The following GOSR1 variants were observed in gnomAD, a reference collection of about 807,000 sequenced individuals.
GOSR1 encodes the protein golgi SNAP receptor complex member 1.
Under a neutral mutation model 35.5 loss-of-function variants are expected in GOSR1, and 21 were observed. That is an observed-to-expected ratio of 0.59 (90% confidence interval 0.42 to 0.85). The LOEUF is 0.85. GOSR1 is among the 40% of genes least tolerant of loss of function. GOSR1 has a pLI of 0.00. For missense variants in GOSR1, 285 were observed against 309.6 expected, an observed-to-expected ratio of 0.92 and a Z score of 0.60; for synonymous variants, 94 against 106.6, an observed-to-expected ratio of 0.88 and a Z score of 0.73.
intron 6 of GOSR1, among the ~76,000 whole-genome samples, chr17:30,493,368 G>T (rs1915166174): frequency 1.3e-5 from 2 of 152,178 alleles, no homozygotes; most frequent in Non-Finnish European, 2.9e-5. Flanking sequence ...AGCTCCTGAT[G>T]AATTAGATGA....
intron 3 of GOSR1, 22 bp downstream of exon 3, chr17:30,484,323 GC>G (rs780505280): frequency 1.5e-6 from 2 of 1,337,344 alleles, no homozygotes; most frequent in African/African-American, 2.9e-5. Flanking sequence ...CTGTTAAATG[GC>G]TATTTTGCAA....
chr17:30,511,751 G>T (rs184363407), intron 7 of GOSR1, among the ~76,000 whole-genome samples: 2 of 152,116 alleles, frequency 1.3e-5, no homozygotes, highest in East Asian at 3.9e-4. Context: ...GTCTGGTCCC[G>T]AACTCCTGAC....
intron 6 of GOSR1, among the ~76,000 whole-genome samples, chr17:30,498,112 C>G (rs1294103505): frequency 4.0e-5 from 6 of 148,908 alleles, no homozygotes; most frequent in Non-Finnish European, 7.4e-5. Context: ...AGTCATTAGT[C>G]TTATTATATA....
Position 30,497,988 on chromosome 17 carries a change from G to A in GOSR1, c.509+5235G>A, listed in dbSNP as rs577770240. Among the ~76,000 whole-genome samples the A allele has an allele frequency of 7.1e-4, 106 of 149,512 alleles. No individual in the cohort carries two copies. The South Asian group carries it at 0.02, about 28-fold the overall frequency. On this transcript the variant is annotated intron_variant, in intron 6 of 8. Transcript: ENST00000451249. ...CAGGAGAATTGCTTGAACCTGGCAG[G>A]CAGAAGTTGCAGTGAGCTGAGATCG...
chr17:30,519,657 T>TA (rs1256600611), intron 7 of GOSR1: 5 of 258,672 alleles, frequency 1.9e-5, no homozygotes, highest in Non-Finnish European at 2.9e-5. Flanking sequence ...GCTTTTGTAA[T>TA]ATGTGATTTG....
At chr17:30,516,600 C>A (rs570369283) in intron 7 of GOSR1, among the ~76,000 whole-genome samples, 1 of 152,286 alleles carries the variant, frequency 6.6e-6, no homozygotes, top group African/African-American at 2.4e-5. Context: ...TACAGACATC[C>A]CCAAAGATGT....
intron 5 of GOSR1, among the ~76,000 whole-genome samples, chr17:30,491,503 A>T (rs1053275462): frequency 3.3e-5 from 5 of 151,988 alleles, no homozygotes; most frequent in Admixed American, 1.3e-4. Context: ...TACTAAAAAT[A>T]AAAAAATTAG....
intron 5 of GOSR1, among the ~76,000 whole-genome samples, chr17:30,491,518 G>A (rs1915041356): frequency 6.6e-6 from 1 of 152,124 alleles, no homozygotes; most frequent in African/African-American, 2.4e-5. Context: ...AATTAGCTGG[G>A]CGTAGTTGTA....
At chr17:30,491,859 G>A (rs905366401) in intron 5 of GOSR1, among the ~76,000 whole-genome samples, 3 of 152,206 alleles carry the variant, frequency 2.0e-5, no homozygotes, top group Non-Finnish European at 4.4e-5. Context: ...CTGAGGTGAA[G>A]TGGCTATGAA....
At chr17:30,480,978 G>C in intron 1 of GOSR1, 165 bp from the exon 2 acceptor site, 2 of 495,322 alleles carry the variant, frequency 4.0e-6, no homozygotes, top group Non-Finnish European at 3.7e-6. Flanking sequence ...TCCCAAAGTG[G>C]TGGGATTACA....
At chr17:30,520,042 C>T (rs1967967960) in intron 8 of GOSR1, 21 bp downstream of exon 8, 1 of 1,497,818 alleles carries the variant, frequency 6.7e-7, no homozygotes, top group Admixed American at 1.7e-5. Flanking sequence ...TGAATGTTCG[C>T]AGTCTGTGTT....
chr17:30,500,635 A>G (rs376671944), intron 6 of GOSR1, among the ~76,000 whole-genome samples: 1 of 152,164 alleles, frequency 6.6e-6, no homozygotes, highest in Non-Finnish European at 1.5e-5. Context: ...TAGCTTCATA[A>G]TAAGTTTTGA....
intron 2 of GOSR1, among the ~76,000 whole-genome samples, chr17:30,481,526 A>T (rs1914348889): frequency 6.6e-6 from 1 of 152,006 alleles, no homozygotes; most frequent in Admixed American, 6.5e-5. Flanking sequence ...TCAAAAATAT[A>T]AGTGTCTAAT....
At chr17:30,495,263 A>G (rs576017219) in intron 6 of GOSR1, among the ~76,000 whole-genome samples, 75 of 152,050 alleles carry the variant, frequency 4.9e-4, no homozygotes, top group African/African-American at 1.8e-3. Flanking sequence ...AGGAGTAGAG[A>G]CAGACAGACT....
Position 30,485,521 on chromosome 17 carries a change from G to T in GOSR1, c.342+751G>T, listed in dbSNP as rs553900206. 2.7e-4 allele frequency among the ~76,000 whole-genome samples: 41 copies of T among 151,856 alleles called. 1 individual carries two copies. In the South Asian group the frequency reaches 4.6e-3, roughly 17 times the overall value. On this transcript the variant is annotated intron_variant, in intron 4 of 8. Transcript: ENST00000451249. Reference sequence around the variant, plus strand: ...TGTGTTCACGAGGTTTTGCTATATTGCCCAGGCTGGTCTCTTAACTCCTGT... The same window carrying T: ...TGTGTTCACGAGGTTTTGCTATATTTCCCAGGCTGGTCTCTTAACTCCTGT...
chr17:30,510,892 G>T lies in GOSR1; in HGVS notation c.522G>T (p.Leu174=). Residue 174 remains leucine, a synonymous_variant, in exon 7 of 9, where the codon CTG becomes CTT. Coordinates refer to ENST00000451249, the MANE Select transcript of GOSR1 (RefSeq NM_001007025.2). ...EHDHLRNSDR[L]IEETISIAMA... ...TTTTTATTTGCAGCTCAGATCGTCTGATAGAAGAGACAATAAGGTAGGAAT... is the reference window on the plus strand; with the variant it reads ...TTTTTATTTGCAGCTCAGATCGTCTTATAGAAGAGACAATAAGGTAGGAAT... 2 of 1,543,580 alleles carry T rather than the reference G, an allele frequency of 1.3e-6. No individual in the cohort carries two copies. The highest frequency in any genetic ancestry group is 1.1e-5 in the South Asian group (1 of 87,700).
intron 4 of GOSR1, among the ~76,000 whole-genome samples, chr17:30,489,120 A>C (rs1234370779): frequency 6.6e-6 from 1 of 152,228 alleles, no homozygotes; most frequent in Non-Finnish European, 1.5e-5. Context: ...GCAGTGGCTC[A>C]CGCCTGTAAT....
chr17:30,519,629 A>T, intron 7 of GOSR1: 1 of 196,492 alleles, frequency 5.1e-6, no homozygotes, highest in Non-Finnish European at 1.0e-5. Context: ...AAAGTTTTTA[A>T]ACTTTAAATT....
chr17:30,481,498 C>T (rs1200085531), intron 2 of GOSR1, among the ~76,000 whole-genome samples: 1 of 152,162 alleles, frequency 6.6e-6, no homozygotes, highest in Admixed American at 6.5e-5. Flanking sequence ...CCTGCTAGAA[C>T]TTCAGAATAA....
Sources: allele counts gnomAD v4.1 joint callset (sites outside exome capture counted in the v4.1 genomes callset), GRCh38; gene constraint gnomAD v4.1.1; transcripts MANE v1.5; gene names NCBI Gene and HGNC (gene_info 2026-07-23, HGNC 2026-07-21).